LRRTM4: variants seen among roughly 807,000 people sequenced by gnomAD.
LRRTM4 encodes the protein leucine-rich repeat transmembrane neuronal protein 4.
LRRTM4 carries 25 observed loss-of-function variants against 47.6 expected under a neutral mutation model. The observed-to-expected ratio is 0.53, with a 90% CI of 0.38 to 0.73. The LOEUF is 0.73. LRRTM4 is among the 30% of genes least tolerant of loss of function. LRRTM4 has a pLI of 0.00. For missense variants in LRRTM4, 638 were observed against 713.4 expected (o/e 0.89, Z 1.20); for synonymous variants, 311 against 269.5 (o/e 1.15, Z -1.51).
chr2:77,008,454 A>G (rs1344322414), intron 3 of LRRTM4, among the ~76,000 whole-genome samples: 2 of 152,196 alleles, frequency 1.3e-5, no homozygotes, highest in Non-Finnish European at 2.9e-5. Context: ...AAAAGCCAGC[A>G]TAACTGTAGA....
intron 3 of LRRTM4, 105 bp from the exon 4 acceptor site, chr2:76,749,021 T>A: frequency 1.2e-6 from 1 of 807,656 alleles, no homozygotes; most frequent in Non-Finnish European, 2.0e-6. Flanking sequence ...CTGTTTCAAG[T>A]CATCAGCTAC....
chr2:77,350,169 A>G (rs1413577592), intron 3 of LRRTM4, among the ~76,000 whole-genome samples: 2 of 149,260 alleles, frequency 1.3e-5, no homozygotes, highest in African/African-American at 4.9e-5. Flanking sequence ...AAAAAAAAAT[A>G]CAAAAAATTA....
chr2:77,025,828 C>T (rs1326838810), intron 3 of LRRTM4, among the ~76,000 whole-genome samples: 2 of 152,098 alleles, frequency 1.3e-5, no homozygotes, highest in African/African-American at 4.8e-5. Flanking sequence ...ATTTTAAATG[C>T]CATTTTATCA....
intron 3 of LRRTM4, among the ~76,000 whole-genome samples, chr2:77,405,540 C>A (rs1187660795): frequency 6.6e-6 from 1 of 152,056 alleles, no homozygotes; most frequent in Non-Finnish European, 1.5e-5. Context: ...TCACTTCCTG[C>A]ATTTTTTTGC....
chr2:76,973,783 A>G (rs555932701), intron 3 of LRRTM4, among the ~76,000 whole-genome samples: 1 of 152,080 alleles, frequency 6.6e-6, no homozygotes, highest in East Asian at 1.9e-4. Context: ...TAGAATAACC[A>G]AAGTAGTGCA....
chr2:76,862,026 A>T (rs1425318597), intron 3 of LRRTM4, among the ~76,000 whole-genome samples: 1 of 151,882 alleles, frequency 6.6e-6, no homozygotes, highest in Non-Finnish European at 1.5e-5. Context: ...GCTTAGTACA[A>T]ATATATTTAT....
chr2:77,018,149 A>G (rs1304464491), intron 3 of LRRTM4, among the ~76,000 whole-genome samples: 2 of 149,466 alleles, frequency 1.3e-5, no homozygotes, highest in Non-Finnish European at 3.0e-5. Context: ...AATTTCAAAT[A>G]TTTAATTTCT....
chr2:76,995,115 G>C (rs1476841344), intron 3 of LRRTM4, among the ~76,000 whole-genome samples: 1 of 152,000 alleles, frequency 6.6e-6, no homozygotes, highest in Non-Finnish European at 1.5e-5. Flanking sequence ...AGTGTGCTCT[G>C]TAGAACTAAA....
At chr2:76,975,404 T>A (rs1458001620) in intron 3 of LRRTM4, among the ~76,000 whole-genome samples, 1 of 83,866 alleles carries the variant, frequency 1.2e-5, no homozygotes, top group Non-Finnish European at 2.3e-5. Flanking sequence ...CATAAGAGAC[T>A]TATTTATTTA....
intron 3 of LRRTM4, among the ~76,000 whole-genome samples, chr2:77,225,652 C>T (rs1674784252): frequency 6.6e-6 from 1 of 152,076 alleles, no homozygotes; most frequent in African/African-American, 2.4e-5. Flanking sequence ...TAGTTTTACA[C>T]TGTATGTAAA....
rs1676775588 is a variant in LRRTM4 at position 77,289,997 on chromosome 2, CTTTAAG to C, written c.1551+228315_1551+228320del. Among the ~76,000 whole-genome samples the C allele has an allele frequency of 1.3e-5, 2 of 149,742 alleles. 1 individual carries two copies. The highest frequency in any genetic ancestry group is 4.2e-4 in the South Asian group (2 of 4,734). On this transcript the variant is annotated intron_variant, in intron 3 of 3. Transcript: ENST00000409884. ...AGTAGTAGGAAGGATATTACTTCTT[CTTTAAG>C]TTTGTTTGCTTTTTTTTAGTTTTTA...
intron 3 of LRRTM4, among the ~76,000 whole-genome samples, chr2:76,795,550 TATATGCATATATAC>T (rs909628929): frequency 3.3e-5 from 5 of 151,150 alleles, no homozygotes; most frequent in Non-Finnish European, 7.4e-5. Flanking sequence ...CATATACATG[TATATGCATATATAC>T]ATGTGCATAT....
chr2:77,102,222 G>A (rs551513450), intron 3 of LRRTM4, among the ~76,000 whole-genome samples: 1 of 152,290 alleles, frequency 6.6e-6, no homozygotes, highest in South Asian at 2.1e-4. Flanking sequence ...CCCTCATGTG[G>A]TTCTAGGTAC....
At chr2:77,123,547 A>G (rs761568882) in intron 3 of LRRTM4, among the ~76,000 whole-genome samples, 5 of 152,146 alleles carry the variant, frequency 3.3e-5, no homozygotes, top group Non-Finnish European at 7.4e-5. Context: ...CATAAAACCA[A>G]TATATAATCT....
At chr2:77,373,088 A>AAAATAT (rs1553435844) in intron 3 of LRRTM4, among the ~76,000 whole-genome samples, 1 of 140,356 alleles carries the variant, frequency 7.1e-6, no homozygotes, top group African/African-American at 2.6e-5. Flanking sequence ...TTAAAAAAAA[A>AAAATAT]ATATATATAT....
chr2:76,905,277 G>A (rs1008157996), intron 3 of LRRTM4, among the ~76,000 whole-genome samples: 1 of 152,136 alleles, frequency 6.6e-6, no homozygotes, highest in Non-Finnish European at 1.5e-5. Context: ...CAACAGACCT[G>A]CGGCTGAGGG....
At chr2:76,966,530 G>A (rs1222008418) in intron 3 of LRRTM4, among the ~76,000 whole-genome samples, 3 of 151,214 alleles carry the variant, frequency 2.0e-5, no homozygotes, top group Admixed American at 6.6e-5. Context: ...AAATAACTAC[G>A]CAAGCAAACA....
At chr2:77,472,578 C>A (rs562623759) in intron 3 of LRRTM4, among the ~76,000 whole-genome samples, 2 of 151,994 alleles carry the variant, frequency 1.3e-5, no homozygotes, top group African/African-American at 4.8e-5. Context: ...AAGAGCAGGG[C>A]TTTGTCTATA....
At chr2:77,039,641 C>A (rs1000336878) in intron 3 of LRRTM4, among the ~76,000 whole-genome samples, 5 of 151,146 alleles carry the variant, frequency 3.3e-5, no homozygotes, top group South Asian at 4.2e-4. Flanking sequence ...AATTTTTATA[C>A]CATATCAAAT....
Sources: allele counts gnomAD v4.1 joint callset (sites outside exome capture counted in the v4.1 genomes callset), GRCh38; gene constraint gnomAD v4.1.1; transcripts MANE v1.5; gene names NCBI Gene and HGNC (gene_info 2026-07-23, HGNC 2026-07-21).